Variants in RBFOX1 observed in about 807,000 individuals in gnomAD.
RBFOX1 encodes the protein RNA binding fox-1 homolog 1.
A neutral mutation model predicts 57.7 loss-of-function variants in RBFOX1; 8 were observed. The ratio of observed to expected loss-of-function variants is 0.14; its 90% CI spans 0.08 to 0.25. The LOEUF (loss-of-function observed/expected upper bound fraction) is 0.25. RBFOX1 is among the 10% of genes least tolerant of loss of function. RBFOX1 has a pLI of 1.00. For missense variants in RBFOX1, 611 were observed against 548.5 expected (o/e 1.11, Z -1.14); for synonymous variants, 326 against 222.4 (o/e 1.47, Z -4.15).
At chr16:6,949,978 G>C (rs1221437606) in intron 3 of RBFOX1, among the ~76,000 whole-genome samples, 2 of 150,378 alleles carry the variant, frequency 1.3e-5, no homozygotes, top group Non-Finnish European at 3.0e-5. Flanking sequence ...ACAGAGTCTT[G>C]CTCTGTTGCC....
chr16:5,402,234 C>A (rs1262313995), intron 1 of RBFOX1, among the ~76,000 whole-genome samples: 1 of 152,132 alleles, frequency 6.6e-6, no homozygotes, highest in Admixed American at 6.5e-5. Flanking sequence ...TGGAGAAGAT[C>A]TGGAAGGAAG....
intron 2 of RBFOX1, among the ~76,000 whole-genome samples, chr16:5,520,158 G>A (rs1422873751): frequency 6.6e-6 from 1 of 152,204 alleles, no homozygotes; most frequent in African/African-American, 2.4e-5. Context: ...GAAAGAGGAA[G>A]AGGCTATTGT....
At chr16:5,324,182 G>C (rs1244442417) in intron 1 of RBFOX1, among the ~76,000 whole-genome samples, 1 of 152,220 alleles carries the variant, frequency 6.6e-6, no homozygotes, top group African/African-American at 2.4e-5. Context: ...AGAGAATTCT[G>C]CTGGGTGCTG....
intron 1 of RBFOX1, among the ~76,000 whole-genome samples, chr16:5,378,356 T>C (rs1405133914): frequency 6.6e-5 from 10 of 151,550 alleles, no homozygotes; most frequent in Non-Finnish European, 1.5e-5. Context: ...CTCCAACACC[T>C]GCATCCATAG....
At chr16:5,454,914 CCTTTGT>C (rs1567535362) in intron 1 of RBFOX1, among the ~76,000 whole-genome samples, 11 of 55,800 alleles carry the variant, frequency 2.0e-4, no homozygotes, top group African/African-American at 4.9e-4. Flanking sequence ...TTCTTTCTTT[CCTTTGT>C]TTCTTTCTTC....
At chr16:6,235,348 A>T (rs1230431531) in intron 1 of RBFOX1, among the ~76,000 whole-genome samples, 1 of 152,132 alleles carries the variant, frequency 6.6e-6, no homozygotes, top group East Asian at 1.9e-4. Context: ...AGCAGGTAGG[A>T]TTCCCTCCCT....
intron 3 of RBFOX1, among the ~76,000 whole-genome samples, chr16:5,790,453 G>A (rs11859761): frequency 0.34 from 51,076 of 150,128 alleles, 9,435 homozygotes; most frequent in East Asian, 0.54. Flanking sequence ...GAGCTCAAAG[G>A]AAGAAAAAAT....
chr16:7,083,329 C>T (rs2059483866), intron 4 of RBFOX1, among the ~76,000 whole-genome samples: 1 of 151,824 alleles, frequency 6.6e-6, no homozygotes, highest in African/African-American at 2.4e-5. Flanking sequence ...CATCTTAGGG[C>T]GAATCTCATT....
At chr16:6,878,040 A>G (rs1369537621) in intron 3 of RBFOX1, among the ~76,000 whole-genome samples, 1 of 152,156 alleles carries the variant, frequency 6.6e-6, no homozygotes, top group East Asian at 1.9e-4. Context: ...TCTAAGAGGG[A>G]TGGAGCTGAA....
At chr16:5,990,265 AC>A (rs768016344) in intron 4 of RBFOX1, among the ~76,000 whole-genome samples, 3,833 of 152,246 alleles carry the variant, frequency 0.025, 130 homozygotes, top group East Asian at 0.14. Context: ...TGCTGGGGTT[AC>A]AGGCATGAGC....
In RBFOX1 at chr16:6,483,143, A is replaced by G. The variant is rs905717474; in HGVS notation, c.-64+166086A>G. ...TCCACTGCCTTCCCCCAGCTGCAAGAGTTTGCAAAAACATTGGGCGTCTCA... is the reference window on the plus strand; with the variant it reads ...TCCACTGCCTTCCCCCAGCTGCAAGGGTTTGCAAAAACATTGGGCGTCTCA... On this transcript the variant is annotated intron_variant, in intron 2 of 15. Coordinates refer to ENST00000550418, the MANE Select transcript of RBFOX1 (RefSeq NM_018723.4). 4 of 1,062,706 alleles carry G rather than the reference A, an allele frequency of 3.8e-6. No homozygotes were observed. In the African/African-American group the frequency reaches 6.8e-5, roughly 18 times the overall value. The allele number at this position is 1,062,706 out of a possible 1,614,324, so 65.8% of individuals were successfully genotyped here. A position where few individuals can be genotyped will look rare whatever the true frequency, so the allele number is the denominator to read the frequency against.
At chr16:6,378,571 C>T (rs1048644516) in intron 2 of RBFOX1, among the ~76,000 whole-genome samples, 2 of 152,112 alleles carry the variant, frequency 1.3e-5, no homozygotes, top group Non-Finnish European at 2.9e-5. Flanking sequence ...CACATGCCCA[C>T]CCCCATTTCT....
chr16:5,813,109 G>A (rs1269368295), intron 3 of RBFOX1, among the ~76,000 whole-genome samples: 1 of 151,122 alleles, frequency 6.6e-6, no homozygotes, highest in Non-Finnish European at 1.5e-5. Context: ...ACAAGTTCAA[G>A]TGATTCTCCT....
chr16:6,974,697 A>G (rs1448740733), intron 3 of RBFOX1, among the ~76,000 whole-genome samples: 3 of 151,986 alleles, frequency 2.0e-5, no homozygotes, highest in Admixed American at 1.3e-4. Context: ...GAGGGTAGTA[A>G]CATTTATTAA....
chr16:5,907,646 G>A (rs1036323459), intron 4 of RBFOX1, among the ~76,000 whole-genome samples: 4 of 152,036 alleles, frequency 2.6e-5, no homozygotes, highest in Admixed American at 1.3e-4. Context: ...TTTTCCTGAC[G>A]ATGCATGTGG....
chr16:7,595,535 C>G lies in RBFOX1; in HGVS notation c.469-14C>G. ...AATCTGCATGTTGTTTTCCCTTCTC[C>G]CTCCTGCATGCAGGGATTTGGTTTC... On this transcript the variant is annotated splice_polypyrimidine_tract_variant and intron_variant, in intron 7 of 15. Transcript: ENST00000550418. The G allele has an allele frequency of 6.5e-7, 1 of 1,537,062 alleles. No homozygotes were observed. Among genetic ancestry groups the G allele is most frequent in the Non-Finnish European group, 8.8e-7 (1 of 1,134,752 alleles).
rs370114157 is a variant in RBFOX1, at chr16:6,945,821, G to A, written c.-15-106236G>A. Among the ~76,000 whole-genome samples, 20 of 152,302 alleles carry A rather than the reference G, an allele frequency of 1.3e-4. No homozygotes were observed. In the East Asian group the frequency reaches 2.5e-3, roughly 19 times the overall value. The stretch of plus-strand genomic sequence containing the variant: ...CGGGAGAATCGCCTGAACCCAGGAG[G>A]CGGAGGTTGCAGTGTGCTGAGATCA... On this transcript the variant is annotated intron_variant, in intron 3 of 15. Transcript: ENST00000550418.
chr16:7,071,208 T>C (rs2057265343), intron 4 of RBFOX1, among the ~76,000 whole-genome samples: 1 of 152,178 alleles, frequency 6.6e-6, no homozygotes, highest in Non-Finnish European at 1.5e-5. Context: ...AATTAGATTA[T>C]TCTAAAAGCT....
At chr16:5,599,371 C>T (rs573798076) in exon 3 of RBFOX1, 42 of 599,256 alleles carry the variant, frequency 7.0e-5, no homozygotes, top group Non-Finnish European at 1.2e-4. Flanking sequence ...TTACTGAGTG[C>T]TCTGGGGTCC....
Sources: allele counts gnomAD v4.1 joint callset (sites outside exome capture counted in the v4.1 genomes callset), GRCh38; gene constraint gnomAD v4.1.1; transcripts MANE v1.5; gene names NCBI Gene and HGNC (gene_info 2026-07-23, HGNC 2026-07-21).